PTPRO: variants seen among roughly 807,000 people sequenced by gnomAD.
The protein encoded by PTPRO is receptor-type tyrosine-protein phosphatase O.
Under a neutral mutation model 145.2 loss-of-function variants are expected in PTPRO, and 62 were observed. The ratio of observed to expected loss-of-function variants is 0.43; its 90% confidence interval spans 0.35 to 0.53. The LOEUF (loss-of-function observed/expected upper bound fraction) is 0.53. PTPRO is among the 20% of genes least tolerant of loss of function. The pLI is 0.01. For missense variants in PTPRO, 1,345 were observed against 1,482.7 expected (o/e 0.91, Z 1.53); for synonymous variants, 565 against 514.7 (o/e 1.10, Z -1.32).
chr12:15,480,762 G>C (rs199641238), intron 1 of PTPRO, among the ~76,000 whole-genome samples: 1 of 150,312 alleles, frequency 6.7e-6, no homozygotes, highest in African/African-American at 2.5e-5. Flanking sequence ...TGGATGGATG[G>C]ATGCATGGAT....
At chr12:15,420,183 C>T (rs1940105458) in intron 1 of PTPRO, among the ~76,000 whole-genome samples, 1 of 148,986 alleles carries the variant, frequency 6.7e-6, no homozygotes, top group Non-Finnish European at 1.5e-5. Context: ...AGTGTCCCCT[C>T]TGAATTGTAC....
chr12:15,475,153 T>C (rs1941626414), intron 1 of PTPRO, among the ~76,000 whole-genome samples: 1 of 152,230 alleles, frequency 6.6e-6, no homozygotes, highest in Non-Finnish European at 1.5e-5. Flanking sequence ...CTTTACAAAA[T>C]TGAGTCTATT....
rs56061735 is a variant in PTPRO at position 15,539,761 on chromosome 12, CAAAAAAAAAAAAAAAAAAAAA to C, written c.2165-6794_2165-6774del. ...TGGGTGACAGACTGAGACTCTGTCT[CAAAAAAAAAAAAAAAAAAAAA>C]AAAAAAAAAAAAAGAATATAGTTAA... On this transcript the variant is annotated intron_variant, in intron 12 of 26. Coordinates refer to ENST00000281171, the MANE Select transcript of PTPRO (RefSeq NM_030667.3). 1.1e-4 allele frequency among the ~76,000 whole-genome samples: 6 copies of C among 52,484 alleles called. 1 individual carries two copies. In the East Asian group the frequency reaches 3.7e-3, roughly 33 times the overall value. 34.4% of individuals were successfully genotyped at this position (52,484 alleles called of 152,430 possible).
chr12:15,502,093 G>T, intron 5 of PTPRO, 30 bp downstream of exon 5: 1 of 1,560,784 alleles, frequency 6.4e-7, no homozygotes, highest in Non-Finnish European at 8.8e-7. Flanking sequence ...GAGGAAATAA[G>T]AACTGATACA....
At chr12:15,448,339 T>TA (rs56136736) in intron 1 of PTPRO, among the ~76,000 whole-genome samples, 1,689 of 45,024 alleles carry the variant, frequency 0.038, 186 homozygotes, top group African/African-American at 0.1. Flanking sequence ...CTGTTCCTAG[T>TA]AAAAAAAAAA....
intron 1 of PTPRO, among the ~76,000 whole-genome samples, chr12:15,373,919 A>G (rs1938604924): frequency 6.6e-6 from 1 of 152,244 alleles, no homozygotes; most frequent in Non-Finnish European, 1.5e-5. Flanking sequence ...TGTACTCACA[A>G]ATGTATATTT....
chr12:15,484,346 C>A (rs1941842525), intron 2 of PTPRO, 99 bp downstream of exon 2: 5 of 1,372,074 alleles, frequency 3.6e-6, no homozygotes, highest in Non-Finnish European at 4.1e-6. Flanking sequence ...ATGGCAAAAT[C>A]ACTTGCCTTA....
chr12:15,569,126 G>GGT (rs1369451031), intron 18 of PTPRO, among the ~76,000 whole-genome samples: 1 of 151,996 alleles, frequency 6.6e-6, no homozygotes, highest in Non-Finnish European at 1.5e-5. Flanking sequence ...CACAGATGGG[G>GGT]GTGTGTGTAT....
chr12:15,413,248 G>A (rs962444189), intron 1 of PTPRO, among the ~76,000 whole-genome samples: 16 of 152,066 alleles, frequency 1.1e-4, no homozygotes, highest in Middle Eastern at 6.8e-3. Context: ...CTGCCACCAC[G>A]CCCAGCTAAT....
chr12:15,547,602 T>C (rs1249779576), intron 13 of PTPRO, among the ~76,000 whole-genome samples: 1 of 152,212 alleles, frequency 6.6e-6, no homozygotes, highest in Non-Finnish European at 1.5e-5. Context: ...TTCCCTTCTA[T>C]GAATGTATCT....
chr12:15,554,317 T>C (rs980957173), intron 15 of PTPRO, among the ~76,000 whole-genome samples: 1 of 152,082 alleles, frequency 6.6e-6, no homozygotes, highest in Non-Finnish European at 1.5e-5. Flanking sequence ...GTTTTGGAAA[T>C]TGTATTAGTC....
intron 1 of PTPRO, among the ~76,000 whole-genome samples, chr12:15,394,864 A>C (rs1477806489): frequency 6.6e-6 from 1 of 152,224 alleles, no homozygotes; most frequent in Non-Finnish European, 1.5e-5. Context: ...GATTTATTTG[A>C]GATAGACTTC....
intron 1 of PTPRO, among the ~76,000 whole-genome samples, chr12:15,449,123 C>A (rs199916375): frequency 1.2e-3 from 170 of 140,434 alleles, no homozygotes; most frequent in Middle Eastern, 3.7e-3. Context: ...GATTTACAGA[C>A]AAAAAAAAAA....
intron 1 of PTPRO, among the ~76,000 whole-genome samples, chr12:15,408,856 G>A (rs535915563): frequency 2.6e-5 from 4 of 152,126 alleles, no homozygotes; most frequent in East Asian, 1.9e-4. Flanking sequence ...ATCTTTAACC[G>A]TAAAATGAAG....
chr12:15,406,516 C>G (rs1280280395), intron 1 of PTPRO, among the ~76,000 whole-genome samples: 3 of 152,074 alleles, frequency 2.0e-5, no homozygotes, highest in Non-Finnish European at 2.9e-5. Context: ...TGATTTTTAT[C>G]CTTGTTTTGG....
chr12:15,360,084 T>C (rs1938127397), intron 1 of PTPRO, among the ~76,000 whole-genome samples: 1 of 152,212 alleles, frequency 6.6e-6, no homozygotes, highest in Admixed American at 6.5e-5. Flanking sequence ...AATTATACCA[T>C]CAAATGTGGG....
intron 1 of PTPRO, among the ~76,000 whole-genome samples, chr12:15,332,424 G>A (rs1866639405): frequency 6.6e-6 from 1 of 152,172 alleles, no homozygotes; most frequent in Admixed American, 6.5e-5. Context: ...AATGCTTTTG[G>A]AGGAAAATAC....
At chr12:15,338,158 G>C (rs1311390145) in intron 1 of PTPRO, among the ~76,000 whole-genome samples, 2 of 152,128 alleles carry the variant, frequency 1.3e-5, no homozygotes, top group East Asian at 1.9e-4. Context: ...ATTGGGGGAG[G>C]CAGGATCAAA....
chr12:15,575,242 G>C (rs1944154853), intron 19 of PTPRO, among the ~76,000 whole-genome samples: 1 of 152,172 alleles, frequency 6.6e-6, no homozygotes, highest in East Asian at 1.9e-4. Context: ...CTAGGCTGGA[G>C]TCCCTGCTAG....
Sources: gnomAD v4.1 joint callset for allele counts (sites outside exome capture counted in the v4.1 genomes callset) on GRCh38, gnomAD v4.1.1 for gene constraint, MANE v1.5 for transcripts, NCBI Gene and HGNC (gene_info 2026-07-23, HGNC 2026-07-21) for gene names.